SYNE2: variants seen among roughly 807,000 people sequenced by gnomAD.
SYNE2 encodes spectrin repeat containing nuclear envelope protein 2, also known as nesprin-2.
Under a neutral mutation model 856.3 loss-of-function variants are expected in SYNE2, and 431 were observed. That is an observed-to-expected ratio of 0.50 (90% CI 0.47 to 0.55). SYNE2 has a LOEUF of 0.55. Ranked by LOEUF, SYNE2 falls within the 20% of genes least tolerant of loss-of-function variation. The pLI, the probability that SYNE2 is intolerant of heterozygous loss-of-function variation, is 0.00. For synonymous variants in SYNE2, 2,923 were observed against 2,872.3 expected (o/e 1.02, Z -0.56); for missense variants, 8,129 against 8,023.2 (o/e 1.01, Z -0.50).
At chr14:64,218,893 G>A (rs958012771) in intron 109 of SYNE2, among the ~76,000 whole-genome samples, 7 of 152,062 alleles carry the variant, frequency 4.6e-5, no homozygotes, top group African/African-American at 1.4e-4. Flanking sequence ...TGACAGCATC[G>A]ACCTGGTCAT....
intron 94 of SYNE2, 147 bp downstream of exon 94, chr14:64,170,609 C>T: frequency 1.3e-6 from 1 of 796,666 alleles, no homozygotes; most frequent in South Asian, 1.5e-5. Flanking sequence ...AGTCACCACC[C>T]CCCACAGCCC....
Position 64,026,655 on chromosome 14 carries a change from C to T in SYNE2, c.6329C>T (p.Pro2110Leu), listed in dbSNP as rs770940744. 27 of 1,613,320 alleles carry T rather than the reference C, an allele frequency of 1.7e-5. No individual in the cohort carries two copies. In the East Asian group the frequency reaches 2.5e-4, roughly 15 times the overall value. The change falls in exon 42 of 116, where the codon CCG (proline) becomes CTG (leucine). Residue 2110 changes from proline to leucine, a missense_variant. Transcript: ENST00000555002. ...AAGCAGGCTGAGAGCAGCGAGGCCCCGCTGGTTCAGAAGACCCTCACTGAC... is the reference window on the plus strand; with the variant it reads ...AAGCAGGCTGAGAGCAGCGAGGCCCTGCTGGTTCAGAAGACCCTCACTGAC... ...IMKQAESSEA[P>L]LVQKTLTDIS...
chr14:63,768,699 G>C (rs1886781556), intron 1 of SYNE2, among the ~76,000 whole-genome samples: 1 of 152,136 alleles, frequency 6.6e-6, no homozygotes, highest in African/African-American at 2.4e-5. Context: ...ATTAGCCCCT[G>C]TCCCAGAAAC....
At chr14:64,011,158 G>C (rs1047721223) in intron 32 of SYNE2, among the ~76,000 whole-genome samples, 1 of 152,088 alleles carries the variant, frequency 6.6e-6, no homozygotes, top group Non-Finnish European at 1.5e-5. Context: ...GTCAGGAATG[G>C]CCCTTGTCTG....
At position 63,963,966 on chromosome 14, in the gene SYNE2, A is replaced by G. The variant is rs2096356198; in HGVS notation, c.956A>G (p.Asp319Gly). 1 of 1,610,116 alleles carries G rather than the reference A, an allele frequency of 6.2e-7. No homozygotes were observed. Among genetic ancestry groups the G allele is most frequent in the South Asian group, 1.1e-5 (1 of 90,936 alleles). Residue 319 changes from aspartate to glycine, a missense_variant, in exon 10 of 116, where the codon GAT becomes GGT. By Grantham distance (94) the Asp-to-Gly change is moderately conservative (BLOSUM62 -1). Transcript: ENST00000555002. The stretch of plus-strand genomic sequence containing the variant: ...GAAAAACTACAGAAGTTGCTAAAGG[A>G]TTCAGAGAATGATACCTACTTTAAA... Reference protein sequence around the residue: ...QKEKLQKLLKDSENDTYFKKY... With the variant: ...QKEKLQKLLKGSENDTYFKKY...
chr14:63,985,497 G>T (rs1047169931), intron 18 of SYNE2, among the ~76,000 whole-genome samples: 3 of 151,960 alleles, frequency 2.0e-5, no homozygotes, highest in Non-Finnish European at 4.4e-5. Context: ...AATTTGATTT[G>T]AGTTTCTTCT....
intron 1 of SYNE2, among the ~76,000 whole-genome samples, chr14:63,778,390 T>C (rs1007946249): frequency 6.6e-6 from 1 of 152,180 alleles, no homozygotes; most frequent in Admixed American, 6.6e-5. Flanking sequence ...AGTGTGAAAA[T>C]GGATGAATAC....
At chr14:64,198,703 C>T (rs2098549853) in intron 99 of SYNE2, among the ~76,000 whole-genome samples, 1 of 152,160 alleles carries the variant, frequency 6.6e-6, no homozygotes. Context: ...CTTCATTGGC[C>T]CTGTGTGAAA....
At chr14:63,897,042 A>G (rs1304662639) in intron 1 of SYNE2, among the ~76,000 whole-genome samples, 2 of 152,186 alleles carry the variant, frequency 1.3e-5, no homozygotes, top group Non-Finnish European at 2.9e-5. Flanking sequence ...ACCTGTCATC[A>G]GGAGTTTGAG....
intron 100 of SYNE2, chr14:64,204,360 G>A (rs2098595210): frequency 6.6e-6 from 1 of 152,202 alleles, no homozygotes; most frequent in African/African-American, 2.4e-5. Flanking sequence ...GAAAAGGCAA[G>A]GCCTTGCAAA....
At chr14:63,922,949 A>G (rs2095618672) in intron 2 of SYNE2, among the ~76,000 whole-genome samples, 1 of 152,206 alleles carries the variant, frequency 6.6e-6, no homozygotes, top group Non-Finnish European at 1.5e-5. Flanking sequence ...GTTCTTTTGC[A>G]CTCAGAAGTC....
At position 64,065,668 on chromosome 14, in the gene SYNE2, A is replaced by C; in HGVS notation, c.10431+18A>C. On this transcript the variant is annotated intron_variant, in intron 51 of 115. Coordinates refer to ENST00000555002, the MANE Select transcript of SYNE2 (RefSeq NM_182914.3). Reference sequence around the variant, plus strand: ...GTGAAGAAGTGAGTGCTTCATTTTCAACAAACCATGTAGTTTCTAACATGT... The same window carrying C: ...GTGAAGAAGTGAGTGCTTCATTTTCCACAAACCATGTAGTTTCTAACATGT... 1 of 1,613,470 alleles carries C rather than the reference A, an allele frequency of 6.2e-7. No individual in the cohort carries two copies. Among genetic ancestry groups the C allele is most frequent in the East Asian group, 2.2e-5 (1 of 44,878 alleles).
At chr14:64,148,861 A>G (rs1379204730) in intron 84 of SYNE2, among the ~76,000 whole-genome samples, 4 of 152,180 alleles carry the variant, frequency 2.6e-5, no homozygotes, top group South Asian at 2.1e-4. Context: ...AGGCTGGCAC[A>G]TCAGCATGCC....
intron 1 of SYNE2, among the ~76,000 whole-genome samples, chr14:63,878,884 A>G (rs2140553410): frequency 6.6e-6 from 1 of 152,338 alleles, no homozygotes; most frequent in South Asian, 2.1e-4. Context: ...AAAGAAAAAA[A>G]TCTAGGCATA....
chr14:63,990,064 A>G lies in SYNE2; in HGVS notation c.2314-347A>G, dbSNP rs962493180. Among the ~76,000 whole-genome samples the G allele has an allele frequency of 2.6e-5, 4 of 152,348 alleles. No homozygotes were observed. The Middle Eastern group carries it at 0.01, about 389-fold the overall frequency. ...TTATTTTCCAACAGCTATTTTCCCC[A>G]GTAACATTTATTGAATTCTCCTCTC... On this transcript the variant is annotated intron_variant, in intron 19 of 115. Coordinates refer to ENST00000555002, the MANE Select transcript of SYNE2 (RefSeq NM_182914.3).
chr14:64,056,329 C>T, intron 49 of SYNE2, 63 bp downstream of exon 49: 16 of 1,408,404 alleles, frequency 1.1e-5, no homozygotes, highest in Non-Finnish European at 1.6e-5. Context: ...TATAATTAAA[C>T]TATATTTTAA....
Position 64,101,987 on chromosome 14 carries a change from A to G in SYNE2, c.12437A>G (p.His4146Arg), listed in dbSNP as rs375035375. The change falls in exon 64 of 116, where the codon CAT becomes CGT. Residue 4146 changes from histidine to arginine, a missense_variant. Physicochemically the swap from His to Arg is conservative, Grantham distance 29. Around this residue, in one of 3 missense-constraint regions of SYNE2, gnomAD observed 5,410 missense variants for 5,284.8 expected, o/e 1.02. Coordinates refer to ENST00000555002, the MANE Select transcript of SYNE2 (RefSeq NM_182914.3). ...SPQSWSSLWK[H>R]DKDMEEDRAS... ...CAGTCTTGGTCTTCACTTTGGAAGC[A>G]TGACAAGGACATGGAAGAAGACAGA... The G allele has an allele frequency of 1.3e-5, 21 of 1,614,194 alleles. No individual in the cohort carries two copies. In the African/African-American group the frequency reaches 1.7e-4, roughly 13 times the overall value.
At chr14:64,162,310 A>G (rs766874756) in intron 88 of SYNE2, 34 bp downstream of exon 88, 3 of 1,607,188 alleles carry the variant, frequency 1.9e-6, no homozygotes, top group Non-Finnish European at 1.7e-6. Flanking sequence ...AACCAAGGCC[A>G]AGTCAGCCCA....
chr14:63,795,124 T>C (rs1302563578), intron 1 of SYNE2, among the ~76,000 whole-genome samples: 2 of 152,120 alleles, frequency 1.3e-5, no homozygotes, highest in Non-Finnish European at 2.9e-5. Context: ...TAATACTGAG[T>C]GTCAACTTGA....
Sources: gnomAD v4.1 joint callset for allele counts (sites outside exome capture counted in the v4.1 genomes callset) on GRCh38, gnomAD v4.1.1 for gene constraint, gnomAD v4.1.1 regional missense constraint, MANE v1.5 for transcripts, NCBI Gene and HGNC (gene_info 2026-07-23, HGNC 2026-07-21) for gene names.